Variants in XKR4 observed in about 807,000 individuals in gnomAD.
XKR4 encodes XK related 4.
XKR4 carries 12 observed loss-of-function variants against 53.9 expected under a neutral mutation model. The observed-to-expected ratio is 0.22, with a 90% CI of 0.14 to 0.36. The LOEUF (loss-of-function observed/expected upper bound fraction) is 0.36, where lower values mean the gene tolerates loss of function less well. Among genes scored for constraint, XKR4 ranks in the 10% least tolerant of loss-of-function variants. The pLI is 1.00. For missense variants in XKR4, 799 were observed against 859.5 expected (o/e 0.93, Z 0.88); for synonymous variants, 354 against 362.4 (o/e 0.98, Z 0.26).
intron 1 of XKR4, among the ~76,000 whole-genome samples, chr8:55,272,629 G>A (rs888374647): frequency 6.6e-6 from 1 of 152,090 alleles, no homozygotes; most frequent in African/African-American, 2.4e-5. Flanking sequence ...TGTCTTCCCT[G>A]CCAGTATGTT....
intron 1 of XKR4, among the ~76,000 whole-genome samples, chr8:55,146,432 C>T (rs1410797589): frequency 2.0e-5 from 3 of 152,134 alleles, no homozygotes; most frequent in Non-Finnish European, 4.4e-5. Context: ...TTACAAAGTA[C>T]CATATTTTCT....
intron 1 of XKR4, among the ~76,000 whole-genome samples, chr8:55,186,120 C>T (rs771019404): frequency 2.0e-5 from 3 of 152,132 alleles, no homozygotes; most frequent in Non-Finnish European, 4.4e-5. Context: ...TTTTCCCACC[C>T]TTCTGGCTGC....
chr8:55,299,111 G>A (rs187063475), intron 1 of XKR4, among the ~76,000 whole-genome samples: 12 of 152,164 alleles, frequency 7.9e-5, no homozygotes, highest in East Asian at 5.8e-4. Context: ...TTTCGTTTTC[G>A]TCAGTCTGGA....
At chr8:55,424,657 A>G (rs1384795000) in intron 2 of XKR4, among the ~76,000 whole-genome samples, 2 of 152,246 alleles carry the variant, frequency 1.3e-5, no homozygotes, top group Non-Finnish European at 2.9e-5. Context: ...TCCACAAGGG[A>G]AAACAACCTC....
intron 2 of XKR4, among the ~76,000 whole-genome samples, chr8:55,441,045 C>A (rs1805255637): frequency 1.5e-5 from 2 of 132,314 alleles, no homozygotes; most frequent in Non-Finnish European, 3.2e-5. Flanking sequence ...CTGGACAACA[C>A]AATGACACCT....
At chr8:55,523,046 G>A (rs965804871) in intron 2 of XKR4, among the ~76,000 whole-genome samples, 1 of 151,938 alleles carries the variant, frequency 6.6e-6, no homozygotes, top group African/African-American at 2.4e-5. Flanking sequence ...GGAGGCTGAG[G>A]CAGGAGAATG....
chr8:55,190,890 A>G (rs1225405969), intron 1 of XKR4, among the ~76,000 whole-genome samples: 3 of 152,214 alleles, frequency 2.0e-5, no homozygotes, highest in East Asian at 3.9e-4. Flanking sequence ...CTTTGAAACC[A>G]TATAGTATAG....
intron 1 of XKR4, among the ~76,000 whole-genome samples, chr8:55,286,324 A>G (rs1201761891): frequency 1.3e-5 from 2 of 152,176 alleles, no homozygotes; most frequent in Non-Finnish European, 2.9e-5. Context: ...AAGAGAGAAG[A>G]GGCAACCCAG....
At chr8:55,122,243 T>C (rs571136700) in intron 1 of XKR4, among the ~76,000 whole-genome samples, 81 of 152,360 alleles carry the variant, frequency 5.3e-4, no homozygotes, top group South Asian at 1.2e-3. Flanking sequence ...ACAACTTTGG[T>C]GTCAAATGTC....
At chr8:55,425,381 C>A (rs530563467) in intron 2 of XKR4, among the ~76,000 whole-genome samples, 139 of 146,836 alleles carry the variant, frequency 9.5e-4, no homozygotes, top group African/African-American at 3.2e-3. Flanking sequence ...GTTCTTGCCC[C>A]GTTGTTTGTT....
chr8:55,219,702 A>T (rs972752312), intron 1 of XKR4, among the ~76,000 whole-genome samples: 2 of 152,182 alleles, frequency 1.3e-5, no homozygotes, highest in Non-Finnish European at 2.9e-5. Context: ...AATTTTTTTT[A>T]AAAATCCAAA....
intron 2 of XKR4, among the ~76,000 whole-genome samples, chr8:55,403,801 A>G (rs1804644739): frequency 6.6e-6 from 1 of 152,152 alleles, no homozygotes; most frequent in Non-Finnish European, 1.5e-5. Flanking sequence ...CACTTATTCA[A>G]CAAACATTTT....
chr8:55,263,946 G>C (rs1818565240), intron 1 of XKR4, among the ~76,000 whole-genome samples: 1 of 152,134 alleles, frequency 6.6e-6, no homozygotes, highest in Admixed American at 6.5e-5. Flanking sequence ...GTGTATTGAA[G>C]GCCAAGGGAG....
intron 2 of XKR4, among the ~76,000 whole-genome samples, chr8:55,518,019 AG>A (rs1011237479): frequency 1.3e-5 from 2 of 152,224 alleles, no homozygotes; most frequent in African/African-American, 4.8e-5. Context: ...TGCCTGTCAC[AG>A]GGGAAGGTTA....
At chr8:55,513,750 C>T (rs1276706007) in intron 2 of XKR4, among the ~76,000 whole-genome samples, 2 of 152,222 alleles carry the variant, frequency 1.3e-5, no homozygotes, top group Non-Finnish European at 1.5e-5. Flanking sequence ...CCACCTATGC[C>T]CATACTGTAA....
chr8:55,372,036 G>A (rs1348955667), intron 2 of XKR4, among the ~76,000 whole-genome samples: 2 of 152,206 alleles, frequency 1.3e-5, no homozygotes, highest in Non-Finnish European at 2.9e-5. Context: ...TGAGCACACA[G>A]ACATGTTCAG....
chr8:55,312,067 A>C (rs1197915797), intron 1 of XKR4, among the ~76,000 whole-genome samples: 1 of 152,098 alleles, frequency 6.6e-6, no homozygotes, highest in Non-Finnish European at 1.5e-5. Flanking sequence ...TATTCTAAAA[A>C]GCTTCCAGCC....
chr8:55,173,761 G>A (rs573268307), intron 1 of XKR4, among the ~76,000 whole-genome samples: 1 of 152,262 alleles, frequency 6.6e-6, no homozygotes, highest in East Asian at 1.9e-4. Flanking sequence ...GTCCTACACT[G>A]CATTTCTTAC....
intron 2 of XKR4, chr8:55,450,101 C>CCCACG: frequency 1.4e-6 from 1 of 710,652 alleles, no homozygotes; most frequent in Non-Finnish European, 2.6e-6. Context: ...TCCCAGGTGT[C>CCCACG]CTTCCAGCGC....
Sources: gnomAD v4.1 joint callset for allele counts (sites outside exome capture counted in the v4.1 genomes callset) on GRCh38, gnomAD v4.1.1 for gene constraint, MANE v1.5 for transcripts, NCBI Gene and HGNC (gene_info 2026-07-23, HGNC 2026-07-21) for gene names.